Variants in CSMD3 observed in about 807,000 individuals in gnomAD.
The protein encoded by CSMD3 is CUB and sushi domain-containing protein 3.
In CSMD3, 177 loss-of-function variants were observed where a neutral mutation model predicts 435.2. The observed-to-expected ratio is 0.41, with a 90% confidence interval of 0.36 to 0.46. CSMD3 has a LOEUF of 0.46. CSMD3 is among the 20% of genes least tolerant of loss of function. The pLI, the probability that CSMD3 is intolerant of heterozygous loss-of-function variation, is 0.34. For synonymous variants in CSMD3, 1,656 were observed against 1,520.5 expected (o/e 1.09, Z -2.07); for missense variants, 4,265 against 4,504.6 (o/e 0.95, Z 1.52).
chr8:113,404,888 C>T lies in CSMD3; in HGVS notation c.178+31789G>A, dbSNP rs542539708. 2.0e-5 allele frequency among the ~76,000 whole-genome samples: 3 copies of T among 151,440 alleles called. No individual in the cohort carries two copies. In the South Asian group the frequency reaches 6.2e-4, roughly 31 times the overall value. ...GAAACAAAGTGACACTTGTTTCATC[C>T]CTTAAAAAATATAAATTATGTATGT... On this transcript the variant is annotated intron_variant, in intron 1 of 70. Transcript: ENST00000297405.
chr8:113,425,115 C>T (rs1268952193), intron 1 of CSMD3, among the ~76,000 whole-genome samples: 2 of 151,376 alleles, frequency 1.3e-5, no homozygotes, highest in Non-Finnish European at 3.0e-5. Context: ...AGGAATGTCT[C>T]AAAGAGTTCT....
intron 31 of CSMD3, among the ~76,000 whole-genome samples, chr8:112,475,252 C>T (rs73700928): frequency 0.017 from 2,655 of 152,222 alleles, 80 homozygotes; most frequent in African/African-American, 0.06. Flanking sequence ...TACATTAACA[C>T]GTGTCTGACA....
At chr8:112,635,255 C>T (rs550158755) in intron 22 of CSMD3, among the ~76,000 whole-genome samples, 1 of 151,856 alleles carries the variant, frequency 6.6e-6, no homozygotes, top group Non-Finnish European at 1.5e-5. Flanking sequence ...TTCTTTTAAT[C>T]CTCATAACTA....
intron 20 of CSMD3, among the ~76,000 whole-genome samples, chr8:112,642,806 T>C (rs2074870129): frequency 6.6e-6 from 1 of 152,160 alleles, no homozygotes; most frequent in Non-Finnish European, 1.5e-5. Flanking sequence ...AAAGATGATT[T>C]AGATTACTAC....
intron 6 of CSMD3, among the ~76,000 whole-genome samples, chr8:112,999,293 T>A (rs946207574): frequency 5.3e-5 from 8 of 151,928 alleles, no homozygotes; most frequent in Admixed American, 2.0e-4. Context: ...TAAGATTTAA[T>A]CAAATTTATG....
intron 3 of CSMD3, among the ~76,000 whole-genome samples, chr8:113,226,098 G>C (rs1261627257): frequency 6.6e-6 from 1 of 151,432 alleles, no homozygotes; most frequent in Admixed American, 6.6e-5. Context: ...CCAGGCCTGT[G>C]AATCTGTGAA....
chr8:113,297,274 T>G (rs2093729767), intron 2 of CSMD3, among the ~76,000 whole-genome samples: 1 of 150,464 alleles, frequency 6.6e-6, no homozygotes, highest in African/African-American at 2.5e-5. Flanking sequence ...GTACAGTATT[T>G]GTTAAAGGGT....
At chr8:113,108,235 C>T (rs1439922613) in intron 4 of CSMD3, among the ~76,000 whole-genome samples, 1 of 152,022 alleles carries the variant, frequency 6.6e-6, no homozygotes, top group East Asian at 1.9e-4. Context: ...TGAGACCATC[C>T]TGGACAACAT....
intron 13 of CSMD3, among the ~76,000 whole-genome samples, chr8:112,692,256 T>C (rs947598703): frequency 6.6e-6 from 1 of 152,124 alleles, no homozygotes; most frequent in African/African-American, 2.4e-5. Context: ...GCCTTTCTTA[T>C]TTATTAAAAA....
intron 53 of CSMD3, among the ~76,000 whole-genome samples, chr8:112,297,342 T>C (rs988020863): frequency 1.3e-5 from 2 of 151,392 alleles, no homozygotes; most frequent in African/African-American, 2.4e-5. Flanking sequence ...ACCTCCTTAA[T>C]AAAATTTTAG....
intron 10 of CSMD3, among the ~76,000 whole-genome samples, chr8:112,909,761 T>C (rs903959015): frequency 1.6e-4 from 24 of 151,834 alleles, no homozygotes; most frequent in Admixed American, 5.9e-4. Flanking sequence ...GAAACACTTA[T>C]CTCAGAAGTA....
intron 59 of CSMD3, among the ~76,000 whole-genome samples, chr8:112,278,995 T>C (rs1216953754): frequency 6.7e-6 from 1 of 149,792 alleles, no homozygotes; most frequent in African/African-American, 2.5e-5. Flanking sequence ...AAGCGTATCC[T>C]GTAACTCCAC....
intron 48 of CSMD3, 139 bp downstream of exon 48, chr8:112,314,290 G>A (rs549334246): frequency 4.2e-6 from 3 of 722,716 alleles, no homozygotes; most frequent in African/African-American, 1.8e-5. Flanking sequence ...TGGTATAGGA[G>A]TGAATTTAAT....
chr8:113,143,009 T>C (rs2091586641), intron 4 of CSMD3, among the ~76,000 whole-genome samples: 1 of 150,784 alleles, frequency 6.6e-6, no homozygotes, highest in Non-Finnish European at 1.5e-5. Context: ...ATGCAAAATA[T>C]AAAACTATAA....
chr8:113,359,722 A>T (rs973708741), intron 1 of CSMD3, among the ~76,000 whole-genome samples: 1 of 152,248 alleles, frequency 6.6e-6, no homozygotes, highest in Non-Finnish European at 1.5e-5. Context: ...TTGCCTTAAC[A>T]TTAAAAGTTT....
intron 2 of CSMD3, chr8:113,312,408 C>A (rs1468017097): frequency 6.6e-6 from 1 of 152,034 alleles, no homozygotes; most frequent in South Asian, 2.1e-4. Context: ...ATATTGTATT[C>A]CCCATAAAAT....
chr8:112,565,351 G>A (rs1186026463), intron 24 of CSMD3, among the ~76,000 whole-genome samples: 1 of 152,062 alleles, frequency 6.6e-6, no homozygotes, highest in Non-Finnish European at 1.5e-5. Flanking sequence ...TAAAGGTAGA[G>A]TTAATAAGTC....
intron 13 of CSMD3, among the ~76,000 whole-genome samples, chr8:112,761,828 G>A (rs976962420): frequency 6.6e-6 from 1 of 152,002 alleles, no homozygotes; most frequent in Non-Finnish European, 1.5e-5. Context: ...ATGTGTATGT[G>A]CATGTGTATG....
chr8:112,821,716 T>A (rs1472305718), intron 12 of CSMD3, among the ~76,000 whole-genome samples: 2 of 152,202 alleles, frequency 1.3e-5, no homozygotes, highest in African/African-American at 4.8e-5. Context: ...TGTCATGAAG[T>A]CTTTGCCCAC....
Sources: allele counts gnomAD v4.1 joint callset (sites outside exome capture counted in the v4.1 genomes callset), GRCh38; gene constraint gnomAD v4.1.1; transcripts MANE v1.5; gene names NCBI Gene and HGNC (gene_info 2026-07-23, HGNC 2026-07-21).